ANKRD31: variants seen among roughly 807,000 people sequenced by gnomAD.
The protein encoded by ANKRD31 is ankyrin repeat domain 31.
In ANKRD31, 147 loss-of-function variants were observed where a neutral mutation model predicts 186.0. The ratio of observed to expected loss-of-function variants is 0.79; its 90% CI spans 0.69 to 0.91. ANKRD31 has a LOEUF of 0.91. ANKRD31 is among the 40% of genes least tolerant of loss of function. The pLI, the probability that ANKRD31 is intolerant of heterozygous loss-of-function variation, is 0.00. For missense variants in ANKRD31, 1,986 were observed against 2,148.8 expected (o/e 0.92, Z 1.50); for synonymous variants, 673 against 736.4 (o/e 0.91, Z 1.39).
At chr5:75,189,483 A>C (rs560318736) in intron 9 of ANKRD31, among the ~76,000 whole-genome samples, 2 of 152,288 alleles carry the variant, frequency 1.3e-5, no homozygotes, top group East Asian at 1.9e-4. Context: ...CGACATATCA[A>C]CTGCCTTGCC....
intron 11 of ANKRD31, among the ~76,000 whole-genome samples, chr5:75,161,929 C>T (rs756200523): frequency 2.6e-5 from 4 of 152,212 alleles, no homozygotes; most frequent in Non-Finnish European, 4.4e-5. Flanking sequence ...TTTCAGAAGA[C>T]GTATGGAAAT....
At chr5:75,143,015 T>C (rs1438089835) in intron 15 of ANKRD31, among the ~76,000 whole-genome samples, 1 of 152,128 alleles carries the variant, frequency 6.6e-6, no homozygotes, top group African/African-American at 2.4e-5. Context: ...GAAATCAATA[T>C]CAAAGTGTCA....
At chr5:75,141,877 A>G (rs549412820) in intron 15 of ANKRD31, among the ~76,000 whole-genome samples, 1 of 152,288 alleles carries the variant, frequency 6.6e-6, no homozygotes, top group East Asian at 1.9e-4. Context: ...GTGTGTTTGT[A>G]GCAAAGAAGG....
chr5:75,146,067 G>C lies in ANKRD31; in HGVS notation c.3344C>G (p.Ser1115Cys), dbSNP rs1229102507. ...CAATTCTTTACTCATATTGTCAGTGGAATGAGAATCTATATTGTGTATAGT... is the reference window on the plus strand; with the variant it reads ...CAATTCTTTACTCATATTGTCAGTGCAATGAGAATCTATATTGTGTATAGT... ...SETIHNIDSH[S>C]TDNMSKELAN... Residue 1115 changes from serine (S) to cysteine (C), a missense_variant, in exon 14 of 26, where the codon TCC (serine) becomes TGC (cysteine). Ser to Cys is a moderately radical substitution (Grantham distance 112, BLOSUM62 -1). Coordinates refer to ENST00000506364, the MANE Select transcript of ANKRD31 (RefSeq NM_001372053.1). The C allele has an allele frequency of 4.6e-6, 7 of 1,528,122 alleles. No homozygotes were observed. Among genetic ancestry groups the C allele is most frequent in the Non-Finnish European group, 6.1e-6 (7 of 1,143,978 alleles). The allele number at this position is 1,528,122 out of a possible 1,614,324, so 94.7% of individuals were successfully genotyped here.
At chr5:75,174,496 G>A (rs1753612688) in intron 10 of ANKRD31, among the ~76,000 whole-genome samples, 1 of 151,976 alleles carries the variant, frequency 6.6e-6, no homozygotes, top group African/African-American at 2.4e-5. Flanking sequence ...CTGACAAAGG[G>A]GTAATATCCA....
chr5:75,103,140 C>T lies in ANKRD31; in HGVS notation c.5331+1088G>A, dbSNP rs906677952. On this transcript the variant is annotated intron_variant, in intron 22 of 25. Transcript: ENST00000506364. ...TCCAGTTTCAATTTTCTGCATATGG[C>T]TAGCCAGTTCTCTCAGCACCATTTA... Among the ~76,000 whole-genome samples, 4 of 152,160 alleles carry T rather than the reference C, an allele frequency of 2.6e-5. No homozygotes were observed. In the South Asian group the frequency reaches 6.2e-4, roughly 24 times the overall value.
chr5:75,104,418 T>G lies in ANKRD31; in HGVS notation c.5141A>C (p.Lys1714Thr), dbSNP rs944582569. Residue 1714 changes from lysine to threonine, a missense_variant, in exon 22 of 26, where the codon AAA (lysine) becomes ACA (threonine). Lys to Thr is a moderately conservative substitution (Grantham distance 78). Coordinates refer to ENST00000506364, the MANE Select transcript of ANKRD31 (RefSeq NM_001372053.1). ...TVHQMKPYLK[K>T]SVSVVPCADD... ...TGCACATGGAACAACAGAAACTGAT[T>G]TTTTAAGATATGGTTTCATCTGATG... 1.3e-6 allele frequency: 2 copies of G among 1,537,080 alleles called. No homozygotes were observed. The highest frequency in any genetic ancestry group is 1.7e-6 in the Non-Finnish European group (2 of 1,146,906).
rs939519391 is a variant in ANKRD31, at chr5:75,112,569, A to G, written c.4187T>C (p.Ile1396Thr). ...TAATAAATATTCTTGTTTTTCTTCT[A>G]TATCTTGTAGAATGGCACTGAGGGT... is the stretch of plus-strand genomic sequence containing the variant. ...HQTLSAILQD[I>T]EEKQEYLLEF... Residue 1396 changes from isoleucine (I) to threonine (T), a missense_variant, in exon 20 of 26, where the codon ATA becomes ACA. Physicochemically the swap from Ile to Thr is moderately conservative, Grantham distance 89 (BLOSUM62 -1). Coordinates refer to ENST00000506364, the MANE Select transcript of ANKRD31 (RefSeq NM_001372053.1). 4 of 1,525,310 alleles carry G rather than the reference A, an allele frequency of 2.6e-6. No homozygotes were observed. Among genetic ancestry groups the G allele is most frequent in the Non-Finnish European group, 3.5e-6 (4 of 1,139,380 alleles). The allele number at this position is 1,525,310 out of a possible 1,614,324, so 94.5% of individuals were successfully genotyped here.
At chr5:75,143,640 A>G (rs1025029608) in intron 15 of ANKRD31, among the ~76,000 whole-genome samples, 1 of 152,150 alleles carries the variant, frequency 6.6e-6, no homozygotes, top group Non-Finnish European at 1.5e-5. Context: ...AAACAAACTA[A>G]TGGCTATGTT....
At chr5:75,120,607 A>G (rs1242052047) in intron 17 of ANKRD31, among the ~76,000 whole-genome samples, 1 of 152,158 alleles carries the variant, frequency 6.6e-6, no homozygotes, top group Non-Finnish European at 1.5e-5. Flanking sequence ...AGAAATTATT[A>G]AGGATAACCT....
intron 25 of ANKRD31, among the ~76,000 whole-genome samples, chr5:75,071,647 C>T (rs76916370): frequency 0.1 from 15,126 of 151,974 alleles, 784 homozygotes; most frequent in East Asian, 0.14. Flanking sequence ...AGGCACCCAC[C>T]ACCACGCCCG....
At chr5:75,151,262 T>C (rs892284605) in intron 12 of ANKRD31, among the ~76,000 whole-genome samples, 3 of 152,020 alleles carry the variant, frequency 2.0e-5, no homozygotes, top group Non-Finnish European at 4.4e-5. Flanking sequence ...CTAACAATAA[T>C]TGGAAGAACT....
Position 75,147,177 on chromosome 5 carries a change from C to T in ANKRD31, c.2234G>A (p.Cys745Tyr). ...HKRTQVDDVD[C>Y]NPRKILAVSP... ...GACAGCTAGTATCTTTCTTGGATTA[C>T]AGTCTACATCATCTACTTGGGTCCT... is the stretch of plus-strand genomic sequence containing the variant. Residue 745 changes from cysteine to tyrosine, a missense_variant, in exon 14 of 26, where the codon TGT (cysteine) becomes TAT (tyrosine). Physicochemically the swap from Cys to Tyr is radical, Grantham distance 194. Coordinates refer to ENST00000506364, the MANE Select transcript of ANKRD31 (RefSeq NM_001372053.1). 1 of 1,536,230 alleles carries T rather than the reference C, an allele frequency of 6.5e-7. No homozygotes were observed. The highest frequency in any genetic ancestry group is 8.7e-7 in the Non-Finnish European group (1 of 1,146,258).
chr5:75,145,383 T>C (rs2150142265), intron 14 of ANKRD31, among the ~76,000 whole-genome samples: 1 of 152,150 alleles, frequency 6.6e-6, no homozygotes, highest in Non-Finnish European at 1.5e-5. Context: ...GTGGCACATA[T>C]ACACCATGGA....
intron 16 of ANKRD31, 40 bp from the exon 17 acceptor site, chr5:75,138,038 C>T (rs559395709): frequency 1.3e-5 from 18 of 1,405,250 alleles, no homozygotes; most frequent in South Asian, 5.3e-5. Flanking sequence ...CTGCTTCATG[C>T]GAATCAATAC....
intron 1 of ANKRD31, among the ~76,000 whole-genome samples, chr5:75,232,565 GTTT>G (rs61040569): frequency 4.7e-5 from 7 of 148,618 alleles, no homozygotes; most frequent in East Asian, 3.9e-4. Flanking sequence ...AATTTTGTGT[GTTT>G]TTTTTTTTTA....
chr5:75,196,217 G>A lies in ANKRD31; in HGVS notation c.448-17C>T. ...ACTTAGTTCCTGTGTATTACAAATA[G>A]AAATTACATCATTACAGCATATACA... On this transcript the variant is annotated splice_polypyrimidine_tract_variant and intron_variant, in intron 6 of 25. Transcript: ENST00000506364. The A allele has an allele frequency of 2.1e-6, 3 of 1,427,952 alleles. No homozygotes were observed. The highest frequency in any genetic ancestry group is 2.7e-6 in the Non-Finnish European group (3 of 1,094,812). 88.5% of individuals were successfully genotyped at this position (1,427,952 alleles called of 1,614,324 possible).
At chr5:75,069,758 C>T (rs1257523041) in intron 25 of ANKRD31, among the ~76,000 whole-genome samples, 1 of 152,030 alleles carries the variant, frequency 6.6e-6, no homozygotes, top group East Asian at 1.9e-4. Context: ...GTTGGTCAGG[C>T]TGGTCTCCAA....
chr5:75,088,914 C>T (rs187415222), intron 23 of ANKRD31, among the ~76,000 whole-genome samples: 2 of 152,292 alleles, frequency 1.3e-5, no homozygotes, highest in East Asian at 1.9e-4. Flanking sequence ...TTATTTTATA[C>T]ATAAGAAAGC....
Sources: gnomAD v4.1 joint callset for allele counts (sites outside exome capture counted in the v4.1 genomes callset) on GRCh38, gnomAD v4.1.1 for gene constraint, MANE v1.5 for transcripts, NCBI Gene and HGNC (gene_info 2026-07-23, HGNC 2026-07-21) for gene names.